The following CD160 variants were observed in gnomAD, a reference collection of about 807,000 sequenced individuals.
The protein encoded by CD160 is CD160 antigen.
Under a neutral mutation model 19.2 loss-of-function variants are expected in CD160, and 11 were observed. The observed-to-expected ratio is 0.57, with a 90% CI of 0.36 to 0.95. The LOEUF (loss-of-function observed/expected upper bound fraction) is 0.95. Among genes scored for constraint, CD160 ranks in the 40% least tolerant of loss-of-function variants. The pLI is 0.01. For synonymous variants in CD160, 75 were observed against 81.1 expected (o/e 0.93, Z 0.40); for missense variants, 182 against 213.2 (o/e 0.85, Z 0.91).
intron 4 of CD160, among the ~76,000 whole-genome samples, chr1:145,733,791 A>T (rs1358104905): frequency 6.6e-6 from 1 of 151,894 alleles, no homozygotes; most frequent in Non-Finnish European, 1.5e-5. Flanking sequence ...CCCAAGACTC[A>T]CTTCTCACCC....
intron 4 of CD160, among the ~76,000 whole-genome samples, chr1:145,732,645 C>T (rs1657341162): frequency 6.6e-6 from 1 of 152,046 alleles, no homozygotes; most frequent in Non-Finnish European, 1.5e-5. Flanking sequence ...TTTCTAAAGG[C>T]CCATTAAAGA....
Position 145,731,454 on chromosome 1 carries a change from C to T in CD160, c.400+384C>T, listed in dbSNP as rs952606869. Among the ~76,000 whole-genome samples the T allele has an allele frequency of 1.1e-4, 16 of 151,928 alleles. 1 individual carries two copies. Among genetic ancestry groups the T allele is most frequent in the Admixed American group, 2.0e-4 (3 of 15,234 alleles). ...GGGAGGCTGAGGTAGGCAGATCACC[C>T]GAGGTCAGGAGTTAAAGATCAGCCT... On this transcript the variant is annotated intron_variant, in intron 4 of 5. Transcript: ENST00000369288.
intron 1 of CD160, among the ~76,000 whole-genome samples, chr1:145,719,922 G>C (rs976759045): frequency 6.6e-5 from 10 of 152,200 alleles, no homozygotes; most frequent in African/African-American, 2.4e-4. Flanking sequence ...AGGCACCTCC[G>C]GGGGAAGTTC....
Position 145,730,980 on chromosome 1 carries a change from C to T in CD160, c.310C>T (p.Pro104Ser). The T allele has an allele frequency of 6.2e-7, 1 of 1,614,140 alleles. No individual in the cohort carries two copies. Among genetic ancestry groups the T allele is most frequent in the African/African-American group, 1.3e-5 (1 of 75,038 alleles). The change falls in exon 4 of 6, where the codon CCG becomes TCG. Residue 104 changes from proline (P) to serine (S), a missense_variant. Physicochemically the swap from Pro to Ser is moderately conservative, Grantham distance 74 (BLOSUM62 -1). Transcript: ENST00000369288. ...QLMFTISQVT[P>S]LHSGTYQCCA... is the part of the protein sequence containing the mutation. ...GATGTTCACCATAAGCCAAGTCACA[C>T]CGTTGCACAGTGGGACCTACCAGTG...
At chr1:145,726,037 T>C (rs1413344834) in intron 2 of CD160, among the ~76,000 whole-genome samples, 1 of 152,026 alleles carries the variant, frequency 6.6e-6, no homozygotes, top group East Asian at 1.9e-4. Flanking sequence ...TAATGAATGA[T>C]ATAAAGAGAC....
intron 2 of CD160, among the ~76,000 whole-genome samples, chr1:145,725,391 G>A (rs1434109558): frequency 1.3e-5 from 2 of 152,082 alleles, no homozygotes; most frequent in African/African-American, 4.8e-5. Context: ...GTTGCAGTAA[G>A]CCAAGATCGT....
At chr1:145,721,257 C>T (rs1359541221) in intron 1 of CD160, among the ~76,000 whole-genome samples, 2 of 152,192 alleles carry the variant, frequency 1.3e-5, no homozygotes, top group Non-Finnish European at 2.9e-5. Flanking sequence ...GCTGGATGGC[C>T]CATGGCTGGA....
intron 4 of CD160, among the ~76,000 whole-genome samples, chr1:145,732,186 T>A (rs1388993995): frequency 3.3e-5 from 5 of 151,728 alleles, no homozygotes; most frequent in African/African-American, 9.7e-5. Flanking sequence ...AAAAAAAAAA[T>A]TTACCTAGAA....
chr1:145,720,528 AAAAG>A (rs1220206546), intron 1 of CD160, among the ~76,000 whole-genome samples: 7 of 152,306 alleles, frequency 4.6e-5, no homozygotes, highest in Admixed American at 1.3e-4. Context: ...TGGAGATTGA[AAAAG>A]AAGCCCCTTC....
At chr1:145,721,096 C>T (rs896548466) in intron 1 of CD160, among the ~76,000 whole-genome samples, 2 of 152,132 alleles carry the variant, frequency 1.3e-5, no homozygotes, top group Non-Finnish European at 2.9e-5. Context: ...CCGGAAAATT[C>T]CCAGACTTCT....
intron 2 of CD160, among the ~76,000 whole-genome samples, chr1:145,726,594 C>CG (rs1553708421): frequency 6.6e-6 from 1 of 151,880 alleles, no homozygotes; most frequent in African/African-American, 2.4e-5. Flanking sequence ...GGTGGGGGCC[C>CG]GGGGGAGGGA....
chr1:145,722,696 A>G (rs1656900469), intron 1 of CD160, among the ~76,000 whole-genome samples: 2 of 152,120 alleles, frequency 1.3e-5, no homozygotes, highest in Non-Finnish European at 2.9e-5. Context: ...GGCTCACGCC[A>G]TTCTCCTGCC....
intron 4 of CD160, among the ~76,000 whole-genome samples, chr1:145,735,511 G>A (rs782242379): frequency 3.9e-5 from 6 of 152,082 alleles, no homozygotes; most frequent in Non-Finnish European, 5.9e-5. Flanking sequence ...GATTGGGCTC[G>A]GGGCATGAGG....
intron 4 of CD160, among the ~76,000 whole-genome samples, chr1:145,735,350 C>T (rs1436096831): frequency 1.3e-5 from 2 of 152,124 alleles, no homozygotes; most frequent in Admixed American, 6.6e-5. Context: ...CTTAGGGAGG[C>T]CAAGGCAGGT....
At position 145,735,920 on chromosome 1, in the gene CD160, T is replaced by C. The variant is rs587657915; in HGVS notation, c.401-77T>C. On this transcript the variant is annotated intron_variant, in intron 4 of 5. Coordinates refer to ENST00000369288, the MANE Select transcript of CD160 (RefSeq NM_007053.4). Reference sequence around the variant, plus strand: ...GAATCCTTGGAGATCATAAAAGAGATGTTATGAGATGATGCAAAAGGAGAT... The same window carrying C: ...GAATCCTTGGAGATCATAAAAGAGACGTTATGAGATGATGCAAAAGGAGAT... The C allele has an allele frequency of 1.3e-4, 122 of 961,636 alleles. 2 individuals are homozygous for C. In the South Asian group the frequency reaches 1.8e-3, roughly 14 times the overall value. 59.6% of individuals were successfully genotyped at this position (961,636 alleles called of 1,614,324 possible).
chr1:145,728,531 T>C (rs1571678615), intron 3 of CD160, 131 bp downstream of exon 3: 46 of 526,642 alleles, frequency 8.7e-5, no homozygotes, highest in Non-Finnish European at 1.3e-4. Context: ...TTTGAGGGAG[T>C]CTCGCTCTGT....
rs142658396 is a variant in CD160, at chr1:145,733,265, C to G, written c.400+2195C>G. ...TCTCCTGCCTCAGCCGCCCAAATAG[C>G]TGGGACTACAGGCACACGCCACCAC... On this transcript the variant is annotated intron_variant, in intron 4 of 5. Transcript: ENST00000369288. 8.6e-3 allele frequency among the ~76,000 whole-genome samples: 1,312 copies of G among 152,238 alleles called. 20 individuals carry two copies. Among genetic ancestry groups the G allele is most frequent in the African/African-American group, 0.03 (1,254 of 41,516 alleles).
At chr1:145,736,237 G>C (rs995593217) in intron 5 of CD160, 103 bp downstream of exon 5, 1 of 1,578,426 alleles carries the variant, frequency 6.3e-7, no homozygotes, top group South Asian at 1.2e-5. Context: ...AGGATGTCCA[G>C]GGGGAGAGAA....
chr1:145,723,348 G>T (rs373939154), intron 1 of CD160, among the ~76,000 whole-genome samples: 1 of 152,078 alleles, frequency 6.6e-6, no homozygotes, highest in African/African-American at 2.4e-5. Flanking sequence ...CATTTGATGG[G>T]TTTTTTGGTT....
Sources: allele counts gnomAD v4.1 joint callset (sites outside exome capture counted in the v4.1 genomes callset), GRCh38; gene constraint gnomAD v4.1.1; transcripts MANE v1.5; gene names NCBI Gene and HGNC (gene_info 2026-07-23, HGNC 2026-07-21).